TMEFF2: variants seen among roughly 807,000 people sequenced by gnomAD.
The protein encoded by TMEFF2 is transmembrane protein with EGF like and two follistatin like domains 2.
Under a neutral mutation model 53.8 loss-of-function variants are expected in TMEFF2, and 28 were observed. That is an observed-to-expected ratio of 0.52 (90% CI 0.39 to 0.71). The LOEUF is 0.71. Among genes scored for constraint, TMEFF2 ranks in the 30% least tolerant of loss-of-function variants. The probability of loss-of-function intolerance (pLI) is 0.00; values close to 1 mark genes in which losing one functional copy is unlikely to be tolerated. For synonymous variants in TMEFF2, 162 were observed against 166.3 expected (o/e 0.97, Z 0.20); for missense variants, 353 against 455.2 (o/e 0.78, Z 2.04).
At chr2:192,084,068 A>T (rs1688612740) in intron 4 of TMEFF2, among the ~76,000 whole-genome samples, 1 of 152,154 alleles carries the variant, frequency 6.6e-6, no homozygotes. Context: ...GGTAGATAGT[A>T]TCATCCCTTC....
At chr2:192,079,417 T>C (rs1009560391) in intron 4 of TMEFF2, among the ~76,000 whole-genome samples, 1 of 152,194 alleles carries the variant, frequency 6.6e-6, no homozygotes, top group East Asian at 1.9e-4. Flanking sequence ...ATAAGGTTTT[T>C]TGTAAAATTA....
At chr2:192,137,300 C>T (rs893362231) in intron 4 of TMEFF2, among the ~76,000 whole-genome samples, 1 of 152,086 alleles carries the variant, frequency 6.6e-6, no homozygotes, top group Non-Finnish European at 1.5e-5. Flanking sequence ...AGGTAAATGG[C>T]CTGCTGAAAG....
chr2:192,103,511 G>C (rs1015207455), intron 4 of TMEFF2, among the ~76,000 whole-genome samples: 1 of 152,046 alleles, frequency 6.6e-6, no homozygotes, highest in Non-Finnish European at 1.5e-5. Flanking sequence ...GTTCAACTAG[G>C]ACTTGGATCT....
intron 4 of TMEFF2, among the ~76,000 whole-genome samples, chr2:192,175,195 T>G (rs2106028396): frequency 6.6e-6 from 1 of 151,744 alleles, no homozygotes; most frequent in Non-Finnish European, 1.5e-5. Context: ...TCAACCAAAT[T>G]ACTAAATATT....
intron 4 of TMEFF2, chr2:192,178,501 T>C (rs572675561): frequency 8.0e-6 from 1 of 125,638 alleles, no homozygotes; most frequent in African/African-American, 2.9e-5. Context: ...GAGTCTTGAC[T>C]GCTGTTCAGT....
At chr2:192,087,864 C>T (rs1182828347) in intron 4 of TMEFF2, among the ~76,000 whole-genome samples, 2 of 152,116 alleles carry the variant, frequency 1.3e-5, no homozygotes, top group African/African-American at 4.8e-5. Context: ...GGCTATACGA[C>T]ATTTGAATAT....
At position 192,194,763 on chromosome 2, in the gene TMEFF2, G is replaced by T; in HGVS notation, c.-239C>A. 1.8e-6 allele frequency: 1 copy of T among 552,092 alleles called. No homozygotes were observed. The highest frequency in any genetic ancestry group is 3.2e-6 in the Non-Finnish European group (1 of 308,138). The allele number at this position is 552,092 out of a possible 1,614,324, so 34.2% of individuals were successfully genotyped here. On this transcript the variant is annotated 5_prime_UTR_variant, in exon 1 of 10. Transcript: ENST00000272771. This position sits in a 1 kb window ranked among gnomAD's most constrained non-coding sequence, Gnocchi z 4.2. ...GGTCGTCCGCTGAGAAGCTGCGCCGGAGACGCGGGAAGCTGCTGCCATAAG... is the reference window on the plus strand; with the variant it reads ...GGTCGTCCGCTGAGAAGCTGCGCCGTAGACGCGGGAAGCTGCTGCCATAAG...
chr2:192,161,462 T>C (rs1690632506), intron 4 of TMEFF2, among the ~76,000 whole-genome samples: 1 of 152,140 alleles, frequency 6.6e-6, no homozygotes, highest in Non-Finnish European at 1.5e-5. Flanking sequence ...TGAAACAGCA[T>C]AGTAGTTTGC....
chr2:191,950,079 T>C lies in TMEFF2; in HGVS notation c.*232A>G. 8.0e-7 allele frequency: 1 copy of C among 1,252,046 alleles called. No individual in the cohort carries two copies. Among genetic ancestry groups the C allele is most frequent in the Non-Finnish European group, 1.0e-6 (1 of 988,560 alleles). The allele number at this position is 1,252,046 out of a possible 1,614,324, so 77.6% of individuals were successfully genotyped here. On this transcript the variant is annotated 3_prime_UTR_variant, in exon 10 of 10. Transcript: ENST00000272771. ...ATACATGGGAAAGAAAAAACTATAT[T>C]GTGTGATATAAATAGTTTATTTACA...
At chr2:192,108,248 A>G (rs2105951965) in intron 4 of TMEFF2, among the ~76,000 whole-genome samples, 1 of 152,062 alleles carries the variant, frequency 6.6e-6, no homozygotes, top group East Asian at 1.9e-4. Context: ...ACAAAATACA[A>G]CAAAACAAAA....
At chr2:192,111,116 T>G (rs1336283002) in intron 4 of TMEFF2, among the ~76,000 whole-genome samples, 2 of 152,254 alleles carry the variant, frequency 1.3e-5, no homozygotes, top group Non-Finnish European at 2.9e-5. Context: ...TACAGTAAAT[T>G]GGCACTGGGA....
intron 4 of TMEFF2, among the ~76,000 whole-genome samples, chr2:192,110,150 A>G (rs527745650): frequency 5.9e-5 from 9 of 152,286 alleles, no homozygotes; most frequent in African/African-American, 2.2e-4. Flanking sequence ...AACTAGGCCC[A>G]GAGAGCAATA....
At chr2:191,964,464 G>C (rs1692414359) in intron 7 of TMEFF2, among the ~76,000 whole-genome samples, 1 of 142,874 alleles carries the variant, frequency 7.0e-6, no homozygotes, top group African/African-American at 2.6e-5. Flanking sequence ...ACCTTGTCTA[G>C]GGCCAATCCC....
At chr2:192,143,811 A>G (rs1182074643) in intron 4 of TMEFF2, among the ~76,000 whole-genome samples, 1 of 152,188 alleles carries the variant, frequency 6.6e-6, no homozygotes, top group African/African-American at 2.4e-5. Flanking sequence ...TTTGAAGGAT[A>G]TAAGACCTAT....
rs1437629388 is a variant in TMEFF2, at chr2:191,950,392, G to A, written c.1044C>T (p.Ser348=). 6.2e-7 allele frequency: 1 copy of A among 1,613,858 alleles called. No individual in the cohort carries two copies. ...VLCITRKCPR[S]NRIHRQKQNT... Reference sequence around the variant, plus strand: ...TTTGCTTCTGTCTGTGAATTCTGTTGCTTCTGGGGCATTTCCTGGAAGGTT... The same window carrying A: ...TTTGCTTCTGTCTGTGAATTCTGTTACTTCTGGGGCATTTCCTGGAAGGTT... The change falls in exon 10 of 10, where the codon AGC becomes AGT. Residue 348 remains serine (S), a synonymous_variant. Coordinates refer to ENST00000272771, the MANE Select transcript of TMEFF2 (RefSeq NM_016192.4).
At chr2:192,101,765 G>A (rs1287903332) in intron 4 of TMEFF2, among the ~76,000 whole-genome samples, 1 of 152,100 alleles carries the variant, frequency 6.6e-6, no homozygotes, top group African/African-American at 2.4e-5. Context: ...CTGTCTTCTC[G>A]CTTAGACATC....
chr2:191,977,144 A>G (rs1340390697), intron 7 of TMEFF2, among the ~76,000 whole-genome samples: 1 of 152,252 alleles, frequency 6.6e-6, no homozygotes, highest in Non-Finnish European at 1.5e-5. Flanking sequence ...ATGAACATGA[A>G]TTAGCCAAAG....
At chr2:191,996,718 C>T (rs915874390) in intron 7 of TMEFF2, among the ~76,000 whole-genome samples, 3 of 151,624 alleles carry the variant, frequency 2.0e-5, no homozygotes, top group African/African-American at 4.8e-5. Context: ...GGTATGATTA[C>T]AGTATTGTAA....
chr2:192,133,097 C>T (rs570175638), intron 4 of TMEFF2, among the ~76,000 whole-genome samples: 69 of 152,112 alleles, frequency 4.5e-4, no homozygotes, highest in African/African-American at 1.5e-3. Context: ...TAAAACTCCC[C>T]AACTCTGGTA....
Sources: allele counts gnomAD v4.1 joint callset (sites outside exome capture counted in the v4.1 genomes callset), GRCh38; gene constraint gnomAD v4.1.1; non-coding constraint Gnocchi (gnomAD v3.1); transcripts MANE v1.5; gene names NCBI Gene and HGNC (gene_info 2026-07-23, HGNC 2026-07-21).